CLVS1: variants seen among roughly 807,000 people sequenced by gnomAD.
CLVS1 encodes the protein clavesin-1.
In CLVS1, 10 loss-of-function variants were observed where a neutral mutation model predicts 33.1. The ratio of observed to expected loss-of-function variants is 0.30; its 90% confidence interval spans 0.19 to 0.51. The LOEUF is 0.51. CLVS1 is among the 20% of genes least tolerant of loss of function. The pLI is 0.97. For synonymous variants in CLVS1, 163 were observed against 166.1 expected (o/e 0.98, Z 0.14); for missense variants, 343 against 433.4 (o/e 0.79, Z 1.85).
chr8:61,460,946 A>T (rs1367457196), intron 5 of CLVS1, among the ~76,000 whole-genome samples: 1 of 152,224 alleles, frequency 6.6e-6, no homozygotes, highest in Non-Finnish European at 1.5e-5. Context: ...TAAAATTTCC[A>T]TCGAAAGTTC....
chr8:61,146,736 G>A (rs1806425632), intron 2 of CLVS1, among the ~76,000 whole-genome samples: 1 of 152,230 alleles, frequency 6.6e-6, no homozygotes, highest in Admixed American at 6.5e-5. Context: ...TGGATTGGGG[G>A]TGTCCCCAGC....
intron 3 of CLVS1, among the ~76,000 whole-genome samples, chr8:61,437,669 T>G (rs1176250198): frequency 6.6e-6 from 1 of 152,244 alleles, no homozygotes; most frequent in Non-Finnish European, 1.5e-5. Flanking sequence ...TCTGTTCCAA[T>G]AACAACTTTA....
At chr8:61,383,350 C>A (rs958633572) in intron 3 of CLVS1, among the ~76,000 whole-genome samples, 36 of 152,224 alleles carry the variant, frequency 2.4e-4, no homozygotes, top group African/African-American at 8.7e-4. Context: ...GCACCTCTTT[C>A]ATCCTGTAGG....
chr8:61,130,735 T>G (rs1406510386), intron 1 of CLVS1, among the ~76,000 whole-genome samples: 1 of 152,190 alleles, frequency 6.6e-6, no homozygotes, highest in Admixed American at 6.5e-5. Context: ...ATGTTTGAAA[T>G]GTACAGATGA....
At chr8:61,468,387 C>T (rs1195959210) in intron 5 of CLVS1, among the ~76,000 whole-genome samples, 1 of 152,182 alleles carries the variant, frequency 6.6e-6, no homozygotes. Context: ...TTTGTTGTTT[C>T]TCTCATTATC....
the CLVS1 span, among the ~76,000 whole-genome samples, chr8:61,017,514 G>A: frequency 4.7e-3 from 721 of 152,324 alleles, 3 homozygotes; most frequent in Non-Finnish European, 7.5e-3. Context: ...ATGTTTTCTC[G>A]TGCCTGTTAA....
At chr8:61,372,484 G>A (rs2129601335) in intron 2 of CLVS1, among the ~76,000 whole-genome samples, 1 of 152,204 alleles carries the variant, frequency 6.6e-6, no homozygotes, top group South Asian at 2.1e-4. Flanking sequence ...CCTATGTCCT[G>A]CCTTCTAATT....
chr8:61,234,572 C>T (rs887289889), intron 2 of CLVS1, among the ~76,000 whole-genome samples: 3 of 152,092 alleles, frequency 2.0e-5, no homozygotes, highest in African/African-American at 2.4e-5. Context: ...CACGCTATCC[C>T]GTTGCACCCT....
chr8:61,231,118 G>C (rs1808423985), intron 2 of CLVS1, among the ~76,000 whole-genome samples: 1 of 152,106 alleles, frequency 6.6e-6, no homozygotes, highest in African/African-American at 2.4e-5. Flanking sequence ...TCTATTTGGG[G>C]ATGCACGACT....
intron 1 of CLVS1, among the ~76,000 whole-genome samples, chr8:61,295,912 A>G (rs567801193): frequency 1.3e-5 from 2 of 152,294 alleles, no homozygotes; most frequent in African/African-American, 4.8e-5. Flanking sequence ...AAATACCTAT[A>G]ATAAATAATA....
chr8:61,324,917 C>G (rs1811324251), intron 2 of CLVS1, among the ~76,000 whole-genome samples: 1 of 152,040 alleles, frequency 6.6e-6, no homozygotes, highest in African/African-American at 2.4e-5. Context: ...GCCCATACAC[C>G]CAACATACCA....
chr8:61,065,517 T>A (rs542742629), intron 1 of CLVS1, among the ~76,000 whole-genome samples: 1 of 152,248 alleles, frequency 6.6e-6, no homozygotes, highest in South Asian at 2.1e-4. Context: ...GCAGTAGGGG[T>A]TGAAACTAAG....
At chr8:61,314,356 T>C (rs1810941932) in intron 2 of CLVS1, among the ~76,000 whole-genome samples, 1 of 152,232 alleles carries the variant, frequency 6.6e-6, no homozygotes, top group Admixed American at 6.5e-5. Context: ...GAAATAATAC[T>C]GTAATGCCTC....
chr8:61,107,413 T>G (rs1805558007), intron 1 of CLVS1, among the ~76,000 whole-genome samples: 1 of 152,238 alleles, frequency 6.6e-6, no homozygotes, highest in Non-Finnish European at 1.5e-5. Flanking sequence ...AAATTCATTG[T>G]CTGATGAGGT....
chr8:61,246,997 C>A (rs1808825842), intron 2 of CLVS1, among the ~76,000 whole-genome samples: 1 of 152,100 alleles, frequency 6.6e-6, no homozygotes, highest in Non-Finnish European at 1.5e-5. Context: ...TCTGTTGTTT[C>A]CTTCTTTGTG....
intron 1 of CLVS1, among the ~76,000 whole-genome samples, chr8:61,101,379 T>C (rs1327907536): frequency 6.6e-6 from 1 of 152,206 alleles, no homozygotes; most frequent in African/African-American, 2.4e-5. Flanking sequence ...CTTCTCTGTA[T>C]AGATGTTTGT....
In CLVS1 at chr8:61,149,551, C is replaced by CAAA. The variant is rs1166606940; in HGVS notation, c.-152+17706_-152+17708dup. Among the ~76,000 whole-genome samples, 97 of 51,952 alleles carry CAAA rather than the reference C, an allele frequency of 1.9e-3. 3 individuals are homozygous for CAAA. Among genetic ancestry groups the CAAA allele is most frequent in the African/African-American group, 4.7e-3 (75 of 16,128 alleles). The allele number at this position is 51,952 out of a possible 152,430, so 34.1% of individuals were successfully genotyped here. ...TAGGCGACAGAACGAGACTCTGTCT[C>CAAA]AAAAAAAAAAAAAAAAACAAAAAAC... On this transcript the variant is annotated intron_variant, in intron 2 of 2. Coordinates refer to the CLVS1 transcript ENST00000522621.
intron 2 of CLVS1, among the ~76,000 whole-genome samples, chr8:61,206,514 C>G (rs894459087): frequency 6.6e-6 from 1 of 152,134 alleles, no homozygotes; most frequent in African/African-American, 2.4e-5. Flanking sequence ...TTCCTTAACT[C>G]TCTAAGCCAG....
chr8:61,361,667 A>T (rs1356448882), intron 2 of CLVS1, among the ~76,000 whole-genome samples: 1 of 152,216 alleles, frequency 6.6e-6, no homozygotes, highest in Non-Finnish European at 1.5e-5. Context: ...TCACCTTATT[A>T]GGAGTTCCTT....
Sources: allele counts gnomAD v4.1 joint callset (sites outside exome capture counted in the v4.1 genomes callset), GRCh38; gene constraint gnomAD v4.1.1; transcripts MANE v1.5; gene names NCBI Gene and HGNC (gene_info 2026-07-23, HGNC 2026-07-21).